The following EIF4G3 variants were observed in gnomAD, a reference collection of about 807,000 sequenced individuals.
The protein encoded by EIF4G3 is eIF-4-gamma 3.
Under a neutral mutation model 186.4 loss-of-function variants are expected in EIF4G3, and 34 were observed. That is an observed-to-expected ratio of 0.18 (90% confidence interval 0.14 to 0.24). The LOEUF is 0.24. Among genes scored for constraint, EIF4G3 ranks in the 10% least tolerant of loss-of-function variants. EIF4G3 has a pLI of 1.00. For synonymous variants in EIF4G3, 673 were observed against 679.5 expected, an observed-to-expected ratio of 0.99 and a Z score of 0.15; for missense variants, 1,536 against 1,948.5, an observed-to-expected ratio of 0.79 and a Z score of 3.99.
intron 4 of EIF4G3, among the ~76,000 whole-genome samples, chr1:21,045,115 G>A (rs960636646): frequency 1.3e-5 from 2 of 151,994 alleles, no homozygotes; most frequent in South Asian, 4.1e-4. Flanking sequence ...GTGAGGTCCT[G>A]TCTCTAAAAA....
intron 4 of EIF4G3, among the ~76,000 whole-genome samples, chr1:21,024,237 C>T (rs1165800687): frequency 6.6e-6 from 1 of 150,384 alleles, no homozygotes; most frequent in Non-Finnish European, 1.5e-5. Context: ...GCCCCCCGCC[C>T]GGCCAGCCGC....
In EIF4G3 at chr1:20,860,361, A is replaced by G. The variant is rs376419370; in HGVS notation, c.3244+24T>C. Reference sequence around the variant, plus strand: ...ATTCCTGAAACTTCCAAGTTCTCTAAACCCTGGTGGATTCCGGCCTCACCT... The same window carrying G: ...ATTCCTGAAACTTCCAAGTTCTCTAGACCCTGGTGGATTCCGGCCTCACCT... On this transcript the variant is annotated intron_variant, in intron 24 of 36. Coordinates refer to ENST00000602326, the MANE Select transcript of EIF4G3 (RefSeq NM_001391906.1). The G allele has an allele frequency of 4.3e-6, 7 of 1,613,118 alleles. No individual in the cohort carries two copies. The African/African-American group carries it at 9.4e-5, about 22-fold the overall frequency.
At chr1:21,130,216 C>CTTTTTT (rs71014159) in intron 2 of EIF4G3, among the ~76,000 whole-genome samples, 6 of 75,346 alleles carry the variant, frequency 8.0e-5, no homozygotes, top group East Asian at 5.0e-4. Context: ...GACCCCATCT[C>CTTTTTT]TTTTTTTTTT....
intron 4 of EIF4G3, among the ~76,000 whole-genome samples, chr1:21,042,435 GTTA>G (rs1013706249): frequency 1.3e-4 from 20 of 152,232 alleles, no homozygotes; most frequent in African/African-American, 4.8e-4. Flanking sequence ...AGATGTGTGT[GTTA>G]TTGACTTTTT....
chr1:20,822,049 TG>T (rs1284178286), intron 33 of EIF4G3, among the ~76,000 whole-genome samples: 1 of 152,104 alleles, frequency 6.6e-6, no homozygotes, highest in Non-Finnish European at 1.5e-5. Context: ...GGCTAATTTT[TG>T]TATTTTTAGT....
chr1:20,981,593 A>G lies in EIF4G3; in HGVS notation c.199-366T>C, dbSNP rs572528848. On this transcript the variant is annotated intron_variant, in intron 8 of 36. Transcript: ENST00000602326. ...ATACGCACATACTGTATGTATACAT[A>G]CATGTATACGCACATACTGTATGTA... 7.2e-3 allele frequency among the ~76,000 whole-genome samples: 945 copies of G among 131,582 alleles called. 19 individuals carry two copies. The highest frequency in any genetic ancestry group is 0.028 in the African/African-American group (888 of 31,696). The allele number at this position is 131,582 out of a possible 152,430, so 86.3% of individuals were successfully genotyped here.
At chr1:20,984,373 C>T (rs2078965642) in intron 7 of EIF4G3, among the ~76,000 whole-genome samples, 1 of 151,784 alleles carries the variant, frequency 6.6e-6, no homozygotes. Context: ...ACCATATTGG[C>T]CAGGCTGGTC....
At chr1:20,869,162 C>A (rs1042335032) in intron 20 of EIF4G3, among the ~76,000 whole-genome samples, 3 of 152,154 alleles carry the variant, frequency 2.0e-5, no homozygotes, top group South Asian at 4.1e-4. Context: ...ATGTTAATGG[C>A]AACCCATGGC....
chr1:21,108,901 T>A (rs1572676836), intron 2 of EIF4G3, among the ~76,000 whole-genome samples: 5 of 37,846 alleles, frequency 1.3e-4, no homozygotes, highest in Admixed American at 3.9e-4. Flanking sequence ...AGACTCCATC[T>A]CAAAAAAAAA....
intron 25 of EIF4G3, among the ~76,000 whole-genome samples, chr1:20,857,075 A>G (rs556986557): frequency 7.1e-6 from 1 of 140,516 alleles, no homozygotes; most frequent in Admixed American, 7.9e-5. Context: ...AGGCATGAGA[A>G]TGTTGTGAAC....
At chr1:20,919,631 G>C (rs1453541258) in intron 14 of EIF4G3, among the ~76,000 whole-genome samples, 1 of 151,990 alleles carries the variant, frequency 6.6e-6, no homozygotes, top group Admixed American at 6.6e-5. Flanking sequence ...CTGAAATTAA[G>C]GCAAGGAAAA....
chr1:20,817,631 C>T, intron 33 of EIF4G3, 93 bp from the exon 34 acceptor site: 1 of 566,682 alleles, frequency 1.8e-6, no homozygotes, highest in South Asian at 6.4e-5. Flanking sequence ...GTTACGTCTT[C>T]TATTTTACAT....
At chr1:20,939,235 A>AT (rs2095624722) in intron 14 of EIF4G3, among the ~76,000 whole-genome samples, 2 of 152,156 alleles carry the variant, frequency 1.3e-5, no homozygotes, top group South Asian at 4.1e-4. Flanking sequence ...CCTTAAACAC[A>AT]TAGGTTAAAA....
chr1:21,102,633 ATTTC>A (rs1161213659), intron 2 of EIF4G3, among the ~76,000 whole-genome samples: 1 of 152,136 alleles, frequency 6.6e-6, no homozygotes, highest in Non-Finnish European at 1.5e-5. Flanking sequence ...AATTAGAACA[ATTTC>A]TTTATTATTT....
At chr1:21,040,197 A>G (rs2093482106) in intron 4 of EIF4G3, among the ~76,000 whole-genome samples, 1 of 152,198 alleles carries the variant, frequency 6.6e-6, no homozygotes. Flanking sequence ...AGAGGGGCTA[A>G]AGGTCAAGTT....
chr1:21,094,343 C>T (rs1264799885), intron 2 of EIF4G3, among the ~76,000 whole-genome samples: 1 of 151,950 alleles, frequency 6.6e-6, no homozygotes, highest in South Asian at 2.1e-4. Context: ...GCACAATTCA[C>T]AACAGCAAAG....
At chr1:20,959,888 C>T (rs914235491) in intron 12 of EIF4G3, among the ~76,000 whole-genome samples, 12 of 152,116 alleles carry the variant, frequency 7.9e-5, no homozygotes, top group African/African-American at 2.9e-4. Flanking sequence ...ACAATAGATG[C>T]TGGCATGGAT....
intron 20 of EIF4G3, among the ~76,000 whole-genome samples, chr1:20,865,929 A>G: frequency 6.6e-6 from 1 of 152,330 alleles, no homozygotes; most frequent in East Asian, 1.9e-4. Flanking sequence ...TAATAGTTGT[A>G]ATAGCTCAAG....
intron 2 of EIF4G3, among the ~76,000 whole-genome samples, chr1:21,123,290 C>T (rs908626876): frequency 3.3e-5 from 5 of 151,892 alleles, no homozygotes; most frequent in African/African-American, 7.3e-5. Context: ...AGGCCAGATG[C>T]GGTGGCTCAA....
Sources: gnomAD v4.1 joint callset for allele counts (sites outside exome capture counted in the v4.1 genomes callset) on GRCh38, gnomAD v4.1.1 for gene constraint, MANE v1.5 for transcripts, NCBI Gene and HGNC (gene_info 2026-07-23, HGNC 2026-07-21) for gene names.